Variants in PPP1R21 observed in about 807,000 individuals in gnomAD.
The protein encoded by PPP1R21 is KLRAQ motif containing 1.
PPP1R21 carries 85 observed loss-of-function variants against 112.8 expected under a neutral mutation model. That is an observed-to-expected ratio of 0.75 (90% confidence interval 0.63 to 0.90). The LOEUF (loss-of-function observed/expected upper bound fraction) is 0.90, where lower values mean the gene tolerates loss of function less well. PPP1R21 is among the 40% of genes least tolerant of loss of function. PPP1R21 has a pLI of 0.00. For synonymous variants in PPP1R21, 381 were observed against 322.3 expected (o/e 1.18, Z -1.95); for missense variants, 1,199 against 901.5 (o/e 1.33, Z -4.23).
At chr2:48,455,891 A>G (rs945482200) in intron 3 of PPP1R21, among the ~76,000 whole-genome samples, 5 of 151,796 alleles carry the variant, frequency 3.3e-5, no homozygotes, top group African/African-American at 7.3e-5. Context: ...GCAGGCGCCT[A>G]TAGTTCCAGC....
chr2:48,460,902 C>T (rs1224631351), intron 6 of PPP1R21, among the ~76,000 whole-genome samples: 1 of 152,318 alleles, frequency 6.6e-6, no homozygotes, highest in Admixed American at 6.5e-5. Flanking sequence ...CTAAGACACT[C>T]GTACCATGAT....
intron 19 of PPP1R21, among the ~76,000 whole-genome samples, chr2:48,507,868 C>T (rs1254924431): frequency 3.5e-5 from 5 of 141,158 alleles, no homozygotes; most frequent in Admixed American, 7.8e-5. Flanking sequence ...TGGGTTCGAG[C>T]GATTCTCCCG....
Position 48,510,040 on chromosome 2 carries a change from C to A in PPP1R21, c.2111C>A (p.Ala704Asp), listed in dbSNP as rs775102327. ...TGCCGAGCACTGTCTAAAAGACTGGCCTTGGCTGAAAAGTCTAAGGAAGCA... is the reference window on the plus strand; with the variant it reads ...TGCCGAGCACTGTCTAAAAGACTGGACTTGGCTGAAAAGTCTAAGGAAGCA... ...AECRALSKRL[A>D]LAEKSKEALT... Residue 704 changes from alanine (A) to aspartate (D), a missense_variant, in exon 20 of 22, where the codon GCC (alanine) becomes GAC (aspartate). Physicochemically the swap from Ala to Asp is moderately radical, Grantham distance 126. Transcript: ENST00000294952. 2 of 1,613,734 alleles carry A rather than the reference C, an allele frequency of 1.2e-6. No homozygotes were observed. Among genetic ancestry groups the A allele is most frequent in the Admixed American group, 3.3e-5 (2 of 60,020 alleles).
chr2:48,450,397 A>G (rs1667421387), intron 1 of PPP1R21, among the ~76,000 whole-genome samples: 2 of 152,208 alleles, frequency 1.3e-5, no homozygotes, highest in Admixed American at 1.3e-4. Context: ...CCTAGTTTGT[A>G]GTGAGCATTC....
intron 14 of PPP1R21, among the ~76,000 whole-genome samples, chr2:48,488,311 A>T (rs1023919185): frequency 6.6e-6 from 1 of 152,158 alleles, no homozygotes. Flanking sequence ...TGATTCAGTT[A>T]AGAAAAATTC....
At chr2:48,483,586 G>A (rs540190379) in intron 13 of PPP1R21, among the ~76,000 whole-genome samples, 2 of 152,288 alleles carry the variant, frequency 1.3e-5, no homozygotes, top group South Asian at 4.1e-4. Flanking sequence ...TAACTGACTT[G>A]TACTGCTTTA....
In PPP1R21 at chr2:48,445,135, C is replaced by CTT. The variant is rs756357658; in HGVS notation, c.57+4145_57+4146dup. 2.9e-3 allele frequency among the ~76,000 whole-genome samples: 294 copies of CTT among 102,586 alleles called. 3 individuals are homozygous for CTT. The highest frequency in any genetic ancestry group is 0.012 in the East Asian group (39 of 3,124). 67.3% of individuals were successfully genotyped at this position (102,586 alleles called of 152,430 possible). ...GGATAGGATTAAAATTGAATATGAG[C>CTT]TTTTTTTTTTTTTTTTTTTTTGACC... On this transcript the variant is annotated intron_variant, in intron 1 of 21. Coordinates refer to ENST00000294952, the MANE Select transcript of PPP1R21 (RefSeq NM_001135629.3).
At chr2:48,501,036 C>T (rs187377745) in intron 17 of PPP1R21, among the ~76,000 whole-genome samples, 4 of 152,332 alleles carry the variant, frequency 2.6e-5, no homozygotes, top group Admixed American at 2.0e-4. Flanking sequence ...GTAGTGTTCA[C>T]CAAAGGCAAG....
At position 48,478,616 on chromosome 2, in the gene PPP1R21, G is replaced by A. The variant is rs1207943557; in HGVS notation, c.1226-1308G>A. Among the ~76,000 whole-genome samples the A allele has an allele frequency of 3.3e-5, 5 of 152,100 alleles. No individual in the cohort carries two copies. In the South Asian group the frequency reaches 1.0e-3, roughly 32 times the overall value. Reference sequence around the variant, plus strand: ...ATCAATTCAGTTTGGGCTCTTTTACGGGTATAGTTATAGACCTAGTGTACA... The same window carrying A: ...ATCAATTCAGTTTGGGCTCTTTTACAGGTATAGTTATAGACCTAGTGTACA... On this transcript the variant is annotated intron_variant, in intron 12 of 21. Coordinates refer to ENST00000294952, the MANE Select transcript of PPP1R21 (RefSeq NM_001135629.3).
intron 11 of PPP1R21, 96 bp from the exon 12 acceptor site, chr2:48,474,587 T>A: frequency 9.0e-7 from 1 of 1,117,134 alleles, no homozygotes; most frequent in Non-Finnish European, 1.3e-6. Context: ...GCAATATCTC[T>A]CTTTGGATAT....
At chr2:48,485,055 C>A (rs571915634) in intron 13 of PPP1R21, among the ~76,000 whole-genome samples, 3 of 152,074 alleles carry the variant, frequency 2.0e-5, no homozygotes, top group Non-Finnish European at 4.4e-5. Context: ...GCATTCAGTA[C>A]TTACAGACTG....
intron 17 of PPP1R21, among the ~76,000 whole-genome samples, chr2:48,502,922 C>A (rs1028900871): frequency 6.6e-6 from 1 of 151,918 alleles, no homozygotes; most frequent in Non-Finnish European, 1.5e-5. Context: ...CCTTGTGATC[C>A]GCCCACCTCG....
At chr2:48,479,684 A>G (rs752257249) in intron 12 of PPP1R21, 7 of 612,774 alleles carry the variant, frequency 1.1e-5, no homozygotes, top group Non-Finnish European at 2.1e-5. Flanking sequence ...AATCCTGCTT[A>G]ACAACTGAAT....
chr2:48,470,657 A>G (rs1472658887), intron 9 of PPP1R21, among the ~76,000 whole-genome samples: 1 of 152,204 alleles, frequency 6.6e-6, no homozygotes, highest in African/African-American at 2.4e-5. Flanking sequence ...ATATAACACA[A>G]AAATTTTTGT....
At chr2:48,498,278 T>TG (rs1669940637) in intron 16 of PPP1R21, among the ~76,000 whole-genome samples, 1 of 150,916 alleles carries the variant, frequency 6.6e-6, no homozygotes, top group Non-Finnish European at 1.5e-5. Flanking sequence ...TGAGTAGAGT[T>TG]TTTTTTTTTA....
chr2:48,475,901 T>C (rs1035995237), intron 12 of PPP1R21, among the ~76,000 whole-genome samples: 1 of 152,190 alleles, frequency 6.6e-6, no homozygotes, highest in Admixed American at 6.5e-5. Flanking sequence ...AATGACATTT[T>C]TAAGAATGCC....
Position 48,471,219 on chromosome 2 carries a change from A to G in PPP1R21, c.999+31A>G, listed in dbSNP as rs748392909. On this transcript the variant is annotated intron_variant, in intron 10 of 21. Transcript: ENST00000294952. ...TTTCTTCCTTGTTTTACTTCTGGAA[A>G]CTGGGAGCTCCTCTTTGTCCAGTAG... The G allele has an allele frequency of 1.9e-6, 3 of 1,605,508 alleles. No homozygotes were observed. The East Asian group carries it at 6.7e-5, about 36-fold the overall frequency.
intron 15 of PPP1R21, among the ~76,000 whole-genome samples, chr2:48,492,313 C>A (rs1288911142): frequency 6.6e-6 from 1 of 152,106 alleles, no homozygotes; most frequent in East Asian, 1.9e-4. Flanking sequence ...TTCCTTCCTT[C>A]ACTTTTCTTT....
intron 16 of PPP1R21, 119 bp from the exon 17 acceptor site, chr2:48,498,374 T>C (rs1186415954): frequency 9.7e-6 from 9 of 924,284 alleles, no homozygotes; most frequent in Non-Finnish European, 1.5e-5. Context: ...GGTCAAACTT[T>C]ATTATTATAT....
Sources: gnomAD v4.1 joint callset for allele counts (sites outside exome capture counted in the v4.1 genomes callset) on GRCh38, gnomAD v4.1.1 for gene constraint, MANE v1.5 for transcripts, NCBI Gene and HGNC (gene_info 2026-07-23, HGNC 2026-07-21) for gene names.